Variants in ADAMTS17 observed in about 807,000 individuals in gnomAD.
ADAMTS17 encodes A disintegrin and metalloproteinase with thrombospondin motifs 17.
In ADAMTS17, 113 loss-of-function variants were observed where a neutral mutation model predicts 141.5. The ratio of observed to expected loss-of-function variants is 0.80; its 90% CI spans 0.69 to 0.93. The LOEUF is 0.93. Ranked by LOEUF, ADAMTS17 falls within the 40% of genes least tolerant of loss-of-function variation. ADAMTS17 has a pLI of 0.00. For synonymous variants in ADAMTS17, 768 were observed against 630.6 expected, an observed-to-expected ratio of 1.22 and a Z score of -3.27; for missense variants, 1,659 against 1,517.9, an observed-to-expected ratio of 1.09 and a Z score of -1.54.
At chr15:99,986,810 A>G (rs1331678559) in intron 20 of ADAMTS17, among the ~76,000 whole-genome samples, 1 of 152,210 alleles carries the variant, frequency 6.6e-6, no homozygotes, top group African/African-American at 2.4e-5. Context: ...AGTGGAATAC[A>G]TAGACCCGGC....
chr15:100,241,261 C>T (rs569788460), intron 7 of ADAMTS17, among the ~76,000 whole-genome samples: 276 of 152,304 alleles, frequency 1.8e-3, no homozygotes, highest in Middle Eastern at 6.8e-3. Context: ...GTAAAAATCA[C>T]TCAAGATTCT....
chr15:100,309,737 C>A (rs569222296), intron 3 of ADAMTS17, among the ~76,000 whole-genome samples: 1 of 152,206 alleles, frequency 6.6e-6, no homozygotes, highest in Non-Finnish European at 1.5e-5. Flanking sequence ...ATCCCCAAAT[C>A]GCCATCATGA....
rs2035992002 is a variant in ADAMTS17 at position 100,099,901 on chromosome 15, A to G, written c.2017-3425T>C. 2.0e-5 allele frequency among the ~76,000 whole-genome samples: 3 copies of G among 152,180 alleles called. No individual in the cohort carries two copies. In the South Asian group the frequency reaches 6.2e-4, roughly 32 times the overall value. Reference sequence around the variant, plus strand: ...CAGGATGGGCCGTGGACAGTGGCAAATGTCCATCTTTAGCTGTCTGAGTCC... The same window carrying G: ...CAGGATGGGCCGTGGACAGTGGCAAGTGTCCATCTTTAGCTGTCTGAGTCC... On this transcript the variant is annotated intron_variant, in intron 14 of 21. Coordinates refer to ENST00000268070, the MANE Select transcript of ADAMTS17 (RefSeq NM_139057.4).
chr15:100,024,435 A>C (rs1445138472), intron 18 of ADAMTS17, among the ~76,000 whole-genome samples: 2 of 152,186 alleles, frequency 1.3e-5, no homozygotes, highest in African/African-American at 4.8e-5. Flanking sequence ...GAACCAGTGC[A>C]TACCTGGTCA....
intron 4 of ADAMTS17, among the ~76,000 whole-genome samples, chr15:100,264,260 G>T (rs966811818): frequency 3.3e-5 from 5 of 152,158 alleles, no homozygotes; most frequent in Admixed American, 2.0e-4. Context: ...GGGGGAGGAG[G>T]GGGGAGGCAC....
At chr15:100,202,505 G>A (rs2041373974) in intron 7 of ADAMTS17, among the ~76,000 whole-genome samples, 1 of 152,194 alleles carries the variant, frequency 6.6e-6, no homozygotes, top group Non-Finnish European at 1.5e-5. Context: ...GAGAGATGAG[G>A]TGGAAATGCT....
At chr15:100,264,568 A>G (rs2043642810) in intron 4 of ADAMTS17, among the ~76,000 whole-genome samples, 1 of 152,238 alleles carries the variant, frequency 6.6e-6, no homozygotes, top group Non-Finnish European at 1.5e-5. Context: ...CCTCAGTCAT[A>G]TTCTGATATG....
In ADAMTS17 at chr15:100,037,471, C is replaced by T. The variant is rs541436538; in HGVS notation, c.2591+11386G>A. Among the ~76,000 whole-genome samples the T allele has an allele frequency of 1.2e-4, 18 of 149,428 alleles. No homozygotes were observed. In the East Asian group the frequency reaches 1.4e-3, roughly 12 times the overall value. On this transcript the variant is annotated intron_variant, in intron 18 of 21. Coordinates refer to ENST00000268070, the MANE Select transcript of ADAMTS17 (RefSeq NM_139057.4). ...TGTAGCCCAAGCTGGAGTGCAGTGG[C>T]GCAATTTCGGCTCACTGCAACCTTC...
chr15:100,157,780 C>G (rs535131793), intron 8 of ADAMTS17, among the ~76,000 whole-genome samples: 79 of 152,296 alleles, frequency 5.2e-4, no homozygotes, highest in African/African-American at 1.8e-3. Flanking sequence ...TCGTTAGATT[C>G]AGTCTCGTCC....
At chr15:100,119,895 AG>A (rs1311518888) in intron 12 of ADAMTS17, among the ~76,000 whole-genome samples, 1 of 152,158 alleles carries the variant, frequency 6.6e-6, no homozygotes, top group African/African-American at 2.4e-5. Context: ...TCCTACCTGG[AG>A]CATCTCCACA....
At chr15:100,203,897 CAAA>C (rs57951408) in intron 7 of ADAMTS17, among the ~76,000 whole-genome samples, 1 of 131,654 alleles carries the variant, frequency 7.6e-6, no homozygotes, top group Non-Finnish European at 1.7e-5. Context: ...GACTCTGTCT[CAAA>C]AAAAAAAAAA....
intron 15 of ADAMTS17, among the ~76,000 whole-genome samples, chr15:100,075,777 G>C (rs141632397): frequency 6.6e-6 from 1 of 152,250 alleles, no homozygotes; most frequent in East Asian, 1.9e-4. Flanking sequence ...GTGCTCATTT[G>C]ATCTTTTATC....
At chr15:100,142,130 A>T (rs1057103905) in intron 10 of ADAMTS17, among the ~76,000 whole-genome samples, 1 of 152,242 alleles carries the variant, frequency 6.6e-6, no homozygotes, top group African/African-American at 2.4e-5. Context: ...CTGGAGTAAG[A>T]CACAGAAACT....
In ADAMTS17 at chr15:100,006,304, G is replaced by A. The variant is rs1466002583; in HGVS notation, c.2592-8715C>T. On this transcript the variant is annotated intron_variant, in intron 18 of 21. Transcript: ENST00000268070. ...TTAGAATGTGGACACCTGTGGGGCCGTTATTCTGCCAACCACACACTCACT... is the reference window on the plus strand; with the variant it reads ...TTAGAATGTGGACACCTGTGGGGCCATTATTCTGCCAACCACACACTCACT... 3.3e-5 allele frequency among the ~76,000 whole-genome samples: 5 copies of A among 152,178 alleles called. No individual in the cohort carries two copies. The East Asian group carries it at 5.8e-4, about 18-fold the overall frequency.
At chr15:100,095,790 G>A (rs957609498) in intron 15 of ADAMTS17, among the ~76,000 whole-genome samples, 5 of 152,078 alleles carry the variant, frequency 3.3e-5, no homozygotes, top group East Asian at 3.9e-4. Flanking sequence ...AGATGAAGCC[G>A]GCCCATCAAC....
At chr15:100,268,957 G>C (rs1007396297) in intron 4 of ADAMTS17, among the ~76,000 whole-genome samples, 2 of 120,884 alleles carry the variant, frequency 1.7e-5, no homozygotes, top group East Asian at 5.7e-4. Flanking sequence ...ACAGAAACAG[G>C]AACCCAGAAA....
intron 3 of ADAMTS17, among the ~76,000 whole-genome samples, chr15:100,296,578 GGGGTGTGT>G (rs1181397530): frequency 2.4e-4 from 31 of 127,672 alleles, no homozygotes; most frequent in African/African-American, 7.4e-4. Context: ...GGGGTGAGGG[GGGGTGTGT>G]GTGTGTGTGT....
rs116414757 is a variant in ADAMTS17, at chr15:100,232,565, C to T, written c.1075+21571G>A. 5.2e-3 allele frequency among the ~76,000 whole-genome samples: 796 copies of T among 152,366 alleles called. 2 individuals are homozygous for T. The highest frequency in any genetic ancestry group is 0.018 in the African/African-American group (737 of 41,588). On this transcript the variant is annotated intron_variant, in intron 7 of 21. Coordinates refer to ENST00000268070, the MANE Select transcript of ADAMTS17 (RefSeq NM_139057.4). ...ACGTAGATGCCCAATCGGCTATTCC[C>T]TTCCCCTCCTTTTGATGGCAACGAA...
chr15:100,131,853 G>A (rs1475999917), intron 12 of ADAMTS17, among the ~76,000 whole-genome samples, 154 bp downstream of exon 12: 2 of 152,226 alleles, frequency 1.3e-5, no homozygotes, highest in South Asian at 2.1e-4. Flanking sequence ...TGACACACAC[G>A]AGGTCCCTGC....
Sources: gnomAD v4.1 joint callset for allele counts (sites outside exome capture counted in the v4.1 genomes callset) on GRCh38, gnomAD v4.1.1 for gene constraint, MANE v1.5 for transcripts, NCBI Gene and HGNC (gene_info 2026-07-23, HGNC 2026-07-21) for gene names.